Variants in DIMT1 observed in about 807,000 individuals in gnomAD.
The protein encoded by DIMT1 is dimethyladenosine transferase.
Under a neutral mutation model 43.2 loss-of-function variants are expected in DIMT1, and 36 were observed. The ratio of observed to expected loss-of-function variants is 0.83; its 90% CI spans 0.64 to 1.10. The LOEUF is 1.10. Ranked by LOEUF, DIMT1 falls within the 50% of genes least tolerant of loss-of-function variation. The pLI, the probability that DIMT1 is intolerant of heterozygous loss-of-function variation, is 0.00. For missense variants in DIMT1, 341 were observed against 385.3 expected, an observed-to-expected ratio of 0.88 and a Z score of 0.96; for synonymous variants, 126 against 130.3, an observed-to-expected ratio of 0.97 and a Z score of 0.22.
chr5:62,393,224 G>T (rs575689042), intron 8 of DIMT1, among the ~76,000 whole-genome samples: 125 of 151,464 alleles, frequency 8.3e-4, no homozygotes, highest in Non-Finnish European at 1.7e-3. Context: ...ATTTTTTTTT[G>T]ACAAAGCATG....
intron 10 of DIMT1, chr5:62,391,583 C>G: frequency 1.2e-5 from 6 of 492,848 alleles, no homozygotes; most frequent in Non-Finnish European, 1.3e-5. Flanking sequence ...CATATAGGTT[C>G]TGAGTCATAA....
At chr5:62,397,130 A>C (rs989004780) in intron 6 of DIMT1, among the ~76,000 whole-genome samples, 2 of 151,892 alleles carry the variant, frequency 1.3e-5, no homozygotes, top group Non-Finnish European at 2.9e-5. Context: ...TTTTATTTTT[A>C]GTAGAGATGG....
intron 6 of DIMT1, among the ~76,000 whole-genome samples, chr5:62,397,258 TG>T (rs1483520783): frequency 5.6e-4 from 86 of 152,312 alleles, no homozygotes; most frequent in African/African-American, 2.0e-3. Context: ...TTCAGGATCT[TG>T]ATCCCAGTTA....
At chr5:62,398,467 A>G (rs368989225) in intron 6 of DIMT1, 44 bp downstream of exon 6, 7 of 1,597,978 alleles carry the variant, frequency 4.4e-6, no homozygotes, top group African/African-American at 1.3e-5. Flanking sequence ...CTGAACTGTA[A>G]GTCTTTCAAA....
chr5:62,398,784 A>T (rs754858217), intron 4 of DIMT1, 36 bp downstream of exon 4: 1 of 1,613,824 alleles, frequency 6.2e-7, no homozygotes, highest in South Asian at 1.1e-5. Context: ...GTTTCATGAG[A>T]TTGAAATGCA....
intron 2 of DIMT1, 54 bp downstream of exon 2, chr5:62,403,219 T>A: frequency 6.6e-7 from 1 of 1,511,592 alleles, no homozygotes; most frequent in South Asian, 1.1e-5. Flanking sequence ...TATGTATTCA[T>A]AGGAATAAAA....
At chr5:62,396,454 G>A (rs1742500480) in intron 6 of DIMT1, among the ~76,000 whole-genome samples, 1 of 152,110 alleles carries the variant, frequency 6.6e-6, no homozygotes, top group African/African-American at 2.4e-5. Flanking sequence ...GCTGCAGTGA[G>A]TGCAGATCAT....
At chr5:62,396,757 G>T (rs954721794) in intron 6 of DIMT1, among the ~76,000 whole-genome samples, 2 of 152,010 alleles carry the variant, frequency 1.3e-5, no homozygotes, top group African/African-American at 2.4e-5. Flanking sequence ...CAAGCAAAAT[G>T]CCCTGAGCAT....
intron 8 of DIMT1, 34 bp downstream of exon 8, chr5:62,393,921 T>C (rs63321764): frequency 2.6e-6 from 4 of 1,563,142 alleles, no homozygotes; most frequent in Non-Finnish European, 3.5e-6. Flanking sequence ...GACTTTTTTT[T>C]CCTTTATTGA....
In DIMT1 at chr5:62,387,298, G is replaced by C. The variant is rs15807; in HGVS notation, c.*1712C>G. 44,346 of 151,968 alleles carry C rather than the reference G, an allele frequency of 0.29. 6,990 individuals are homozygous for C. The highest frequency in any genetic ancestry group is 0.42 in the African/African-American group (17,349 of 41,442). The allele number at this position is 151,968 out of a possible 1,614,324, so 9.4% of individuals were successfully genotyped here. Reference sequence around the variant, plus strand: ...TTTCAAAGGGAAGAGGAAGGATGGAGAACTGTTACAATTGACCTTGCAAAG... The same window carrying C: ...TTTCAAAGGGAAGAGGAAGGATGGACAACTGTTACAATTGACCTTGCAAAG... On this transcript the variant is annotated 3_prime_UTR_variant, in exon 12 of 12. Coordinates refer to ENST00000199320, the MANE Select transcript of DIMT1 (RefSeq NM_014473.4).
chr5:62,402,120 A>T lies in DIMT1; in HGVS notation c.156T>A (p.Ala52=). Residue 52 remains alanine, a splice_region_variant and synonymous_variant, in exon 3 of 12, where the codon GCT becomes GCA. Coordinates refer to ENST00000199320, the MANE Select transcript of DIMT1 (RefSeq NM_014473.4). The part of the protein sequence containing the change: ...PLIINSIIDK[A]ALRPTDVVLE... ...GCACTACATCAGTTGGTCTTAAGGC[A>T]GCCTAAAAGCAAGCACAAACACTTT... 5 of 1,613,802 alleles carry T rather than the reference A, an allele frequency of 3.1e-6. No individual in the cohort carries two copies. The highest frequency in any genetic ancestry group is 4.2e-6 in the Non-Finnish European group (5 of 1,179,846).
chr5:62,400,634 T>C (rs1023697690), intron 3 of DIMT1, among the ~76,000 whole-genome samples: 2 of 152,174 alleles, frequency 1.3e-5, no homozygotes, highest in African/African-American at 4.8e-5. Flanking sequence ...TCTTCCTGCC[T>C]CAGCCTCCCA....
intron 4 of DIMT1, 33 bp downstream of exon 4, chr5:62,398,787 G>T: frequency 6.2e-7 from 1 of 1,613,636 alleles, no homozygotes; most frequent in Non-Finnish European, 8.5e-7. Context: ...TCATGAGATT[G>T]AAATGCACTT....
chr5:62,388,900 A>C lies in DIMT1; in HGVS notation c.*110T>G. Reference sequence around the variant, plus strand: ...CAACAGTAGTAGTATTGAACCAAAAATAGTCAAGTAAATAATGTCTCAGTA... The same window carrying C: ...CAACAGTAGTAGTATTGAACCAAAACTAGTCAAGTAAATAATGTCTCAGTA... On this transcript the variant is annotated 3_prime_UTR_variant, in exon 12 of 12. Coordinates refer to ENST00000199320, the MANE Select transcript of DIMT1 (RefSeq NM_014473.4). 9.6e-7 allele frequency: 1 copy of C among 1,041,532 alleles called. No individual in the cohort carries two copies. The highest frequency in any genetic ancestry group is 1.4e-6 in the Non-Finnish European group (1 of 699,480). The allele number at this position is 1,041,532 out of a possible 1,614,324, so 64.5% of individuals were successfully genotyped here.
At chr5:62,394,427 G>A in intron 7 of DIMT1, 57 bp downstream of exon 7, 1 of 1,582,230 alleles carries the variant, frequency 6.3e-7, no homozygotes, top group Non-Finnish European at 8.7e-7. Flanking sequence ...CTGCAGCCTG[G>A]GTGACAGAGT....
At position 62,398,635 on chromosome 5, in the gene DIMT1, T is replaced by C. The variant is rs1332018280; in HGVS notation, c.396+11A>G. On this transcript the variant is annotated intron_variant, in intron 5 of 11. Transcript: ENST00000199320. ...AGTTAGTATGATGTTCCTGAAAATG[T>C]GAGGACATACCTGATAAGGCAAATT... The C allele has an allele frequency of 6.2e-7, 1 of 1,614,120 alleles. No homozygotes were observed. Among genetic ancestry groups the C allele is most frequent in the East Asian group, 2.2e-5 (1 of 44,876 alleles).
chr5:62,392,310 T>TA (rs1233476559), intron 9 of DIMT1, 76 bp from the exon 10 acceptor site: 1 of 1,163,934 alleles, frequency 8.6e-7, no homozygotes, highest in Non-Finnish European at 1.3e-6. Context: ...AACTTTTTTT[T>TA]AACTAATACA....
At chr5:62,401,630 TG>T (rs1345364736) in intron 3 of DIMT1, among the ~76,000 whole-genome samples, 2 of 133,774 alleles carry the variant, frequency 1.5e-5, no homozygotes, top group African/African-American at 5.5e-5. Context: ...GTCACCAGGC[TG>T]GAGTGCAGTG....
chr5:62,403,482 A>G lies in DIMT1; in HGVS notation c.80-136T>C. On this transcript the variant is annotated intron_variant, in intron 1 of 11. Coordinates refer to ENST00000199320, the MANE Select transcript of DIMT1 (RefSeq NM_014473.4). ...CACGAAACGTCACGCCAGGACTGAC[A>G]AACTCTTTATAAGTTCATCCTCCAG... 5.0e-6 allele frequency: 5 copies of G among 1,001,064 alleles called. No homozygotes were observed. In the South Asian group the frequency reaches 7.0e-5, roughly 14 times the overall value. The allele number at this position is 1,001,064 out of a possible 1,614,324, so 62.0% of individuals were successfully genotyped here.
Sources: gnomAD v4.1 joint callset for allele counts (sites outside exome capture counted in the v4.1 genomes callset) on GRCh38, gnomAD v4.1.1 for gene constraint, MANE v1.5 for transcripts, NCBI Gene and HGNC (gene_info 2026-07-23, HGNC 2026-07-21) for gene names.